The following KIF16B variants were observed in gnomAD, a reference collection of about 807,000 sequenced individuals.
KIF16B encodes the protein kinesin family member 16B, also known as kinesin-like protein KIF16B.
In KIF16B, 98 loss-of-function variants were observed where a neutral mutation model predicts 156.3. That is an observed-to-expected ratio of 0.63 (90% CI 0.53 to 0.74). The LOEUF (loss-of-function observed/expected upper bound fraction) is 0.74. Ranked by LOEUF, KIF16B falls within the 30% of genes least tolerant of loss-of-function variation. KIF16B has a pLI of 0.00. For synonymous variants in KIF16B, 564 were observed against 583.7 expected (o/e 0.97, Z 0.49); for missense variants, 1,421 against 1,606.5 (o/e 0.88, Z 1.97).
chr20:16,288,662 AG>A, intron 25 of KIF16B, among the ~76,000 whole-genome samples: 1 of 150,308 alleles, frequency 6.7e-6, no homozygotes, highest in South Asian at 2.1e-4. Flanking sequence ...ACTGATGATA[AG>A]GTTATTGGGA....
intron 15 of KIF16B, among the ~76,000 whole-genome samples, chr20:16,426,386 G>C (rs1249851457): frequency 6.6e-6 from 1 of 152,100 alleles, no homozygotes; most frequent in Non-Finnish European, 1.5e-5. Flanking sequence ...GTCTAGGAAA[G>C]GCCAAGGAAA....
intron 25 of KIF16B, among the ~76,000 whole-genome samples, chr20:16,296,919 C>A (rs1042306096): frequency 6.6e-6 from 1 of 152,162 alleles, no homozygotes; most frequent in African/African-American, 2.4e-5. Flanking sequence ...GGGCCTCATC[C>A]AATCAGGTGA....
chr20:16,513,349 G>GT (rs1473996404), intron 4 of KIF16B, among the ~76,000 whole-genome samples: 1 of 152,050 alleles, frequency 6.6e-6, no homozygotes, highest in Non-Finnish European at 1.5e-5. Flanking sequence ...AAAAACTTAG[G>GT]TAACAAGACC....
Position 16,379,721 on chromosome 20 carries a change from G to A in KIF16B, c.2281C>T (p.Leu761Phe), listed in dbSNP as rs2065043984. 1.2e-6 allele frequency: 2 copies of A among 1,614,154 alleles called. No homozygotes were observed. The highest frequency in any genetic ancestry group is 1.7e-6 in the Non-Finnish European group (2 of 1,180,036). ...AGCTGCTCTTCCAGATGGGCCACGA[G>A]CATGACCTGCTCCTTCTCCTGCTCC... ...LEEQEKEQVM[L>F]VAHLEEQLRE... The change falls in exon 19 of 26, where the codon CTC becomes TTC. Residue 761 changes from leucine (L) to phenylalanine (F), a missense_variant. Leu to Phe is a conservative substitution (Grantham distance 22). Coordinates refer to ENST00000354981, the MANE Select transcript of KIF16B (RefSeq NM_024704.5).
Position 16,452,110 on chromosome 20 carries a change from A to T in KIF16B, c.1303-22128T>A, listed in dbSNP as rs2067097903. On this transcript the variant is annotated intron_variant, in intron 12 of 25. Transcript: ENST00000354981. ...AAACCACCAGCAAATATTCACCAAC[A>T]GGAGGAGAGGGGCTCAGGCTCAGTA... Among the ~76,000 whole-genome samples the T allele has an allele frequency of 3.9e-5, 6 of 152,278 alleles. No individual in the cohort carries two copies. The South Asian group carries it at 1.2e-3, about 32-fold the overall frequency.
chr20:16,295,556 A>G (rs2063373820), intron 25 of KIF16B, among the ~76,000 whole-genome samples: 1 of 150,310 alleles, frequency 6.7e-6, no homozygotes, highest in East Asian at 1.9e-4. Context: ...ATATCTTATT[A>G]TACTATGTTT....
At chr20:16,404,925 T>G in intron 16 of KIF16B, 24 bp from the exon 17 acceptor site, 1 of 1,578,272 alleles carries the variant, frequency 6.3e-7, no homozygotes, top group Middle Eastern at 1.7e-4. Flanking sequence ...CAGGGCAGAG[T>G]GGTTACCTTA....
intron 12 of KIF16B, among the ~76,000 whole-genome samples, chr20:16,472,580 A>G (rs1043510527): frequency 1.1e-4 from 17 of 151,786 alleles, no homozygotes; most frequent in South Asian, 4.2e-4. Flanking sequence ...AAAAAAAGTA[A>G]AAGGACCAAG....
intron 1 of KIF16B, among the ~76,000 whole-genome samples, chr20:16,539,857 C>G (rs1340685903): frequency 6.6e-6 from 1 of 152,148 alleles, no homozygotes; most frequent in Non-Finnish European, 1.5e-5. Context: ...CTGGTCAATC[C>G]ATAATAAACA....
intron 1 of KIF16B, among the ~76,000 whole-genome samples, chr20:16,536,346 G>A (rs1386656361): frequency 1.3e-5 from 2 of 152,076 alleles, no homozygotes; most frequent in Non-Finnish European, 2.9e-5. Flanking sequence ...ATGGGTGTAC[G>A]GGGGTGGGGG....
At position 16,379,380 on chromosome 20, in the gene KIF16B, C is replaced by A; in HGVS notation, c.2622G>T (p.Leu874Phe). The A allele has an allele frequency of 1.9e-6, 3 of 1,602,776 alleles. No homozygotes were observed. Among genetic ancestry groups the A allele is most frequent in the South Asian group, 1.1e-5 (1 of 89,182 alleles). Residue 874 changes from leucine (L) to phenylalanine (F), a missense_variant, in exon 19 of 26, where the codon TTG (leucine) becomes TTT (phenylalanine). Coordinates refer to ENST00000354981, the MANE Select transcript of KIF16B (RefSeq NM_024704.5). ...LKCEHDKESR[L>F]LEKHDESVTD... ...TGACACTCTCATCATGTTTTTCCAA[C>A]AATCTAGATTCTTTGTCATGTTCAC...
intron 12 of KIF16B, among the ~76,000 whole-genome samples, chr20:16,453,718 A>G (rs1187550653): frequency 6.6e-6 from 1 of 152,200 alleles, no homozygotes; most frequent in Admixed American, 6.5e-5. Context: ...TCTTATTTTC[A>G]TTCATTAACA....
At chr20:16,495,980 T>A (rs2068441513) in intron 11 of KIF16B, among the ~76,000 whole-genome samples, 1 of 152,170 alleles carries the variant, frequency 6.6e-6, no homozygotes, top group African/African-American at 2.4e-5. Flanking sequence ...TGTGAGCCAC[T>A]GCACCTGGCC....
rs1188335325 is a variant in KIF16B, at chr20:16,326,759, G to T, written c.3711+9167C>A. On this transcript the variant is annotated intron_variant, in intron 24 of 25. Coordinates refer to ENST00000354981, the MANE Select transcript of KIF16B (RefSeq NM_024704.5). ...ACTAGTACAACCACTATAGAAAACAGTATGGAGATTCCTTAAAGAACTAAA... is the reference window on the plus strand; with the variant it reads ...ACTAGTACAACCACTATAGAAAACATTATGGAGATTCCTTAAAGAACTAAA... Among the ~76,000 whole-genome samples, 60 of 152,024 alleles carry T rather than the reference G, an allele frequency of 3.9e-4. 1 individual carries two copies. The highest frequency in any genetic ancestry group is 1.5e-5 in the Non-Finnish European group (1 of 67,986).
chr20:16,495,067 CA>C (rs11476837), intron 11 of KIF16B, among the ~76,000 whole-genome samples: 16,307 of 152,080 alleles, frequency 0.11, 1,082 homozygotes, highest in East Asian at 0.33. Context: ...CAACAGGAAA[CA>C]AAAAGTGATA....
At chr20:16,356,967 A>G (rs933702735) in intron 22 of KIF16B, among the ~76,000 whole-genome samples, 1 of 152,212 alleles carries the variant, frequency 6.6e-6, no homozygotes, top group African/African-American at 2.4e-5. Flanking sequence ...CCACAATTAA[A>G]ACAAATCTCA....
chr20:16,376,465 G>A lies in KIF16B; in HGVS notation c.3198-2056C>T, dbSNP rs192257248. ...TGGAATTTTACGAGGGGCCAAGTCAGGCTGCACGGTGAATCCTGGCTTAGC... is the reference window on the plus strand; with the variant it reads ...TGGAATTTTACGAGGGGCCAAGTCAAGCTGCACGGTGAATCCTGGCTTAGC... On this transcript the variant is annotated intron_variant, in intron 19 of 25. Coordinates refer to ENST00000354981, the MANE Select transcript of KIF16B (RefSeq NM_024704.5). Among the ~76,000 whole-genome samples the A allele has an allele frequency of 3.9e-4, 59 of 152,320 alleles. No homozygotes were observed. The East Asian group carries it at 0.01, about 26-fold the overall frequency.
intron 12 of KIF16B, among the ~76,000 whole-genome samples, chr20:16,466,394 A>G (rs1184887215): frequency 6.6e-6 from 1 of 152,212 alleles, no homozygotes; most frequent in African/African-American, 2.4e-5. Flanking sequence ...GTCCCCACCC[A>G]AATCTCATCC....
At chr20:16,361,270 G>A (rs1378190463) in intron 22 of KIF16B, among the ~76,000 whole-genome samples, 3 of 152,186 alleles carry the variant, frequency 2.0e-5, no homozygotes, top group Non-Finnish European at 4.4e-5. Context: ...GAGATTTGGG[G>A]AAAGAGACGA....
Sources: gnomAD v4.1 joint callset for allele counts (sites outside exome capture counted in the v4.1 genomes callset) on GRCh38, gnomAD v4.1.1 for gene constraint, MANE v1.5 for transcripts, NCBI Gene and HGNC (gene_info 2026-07-23, HGNC 2026-07-21) for gene names.